SBNO2: variants seen among roughly 807,000 people sequenced by gnomAD.
SBNO2 encodes protein strawberry notch homolog 2.
A neutral mutation model predicts 146.3 loss-of-function variants in SBNO2; 89 were observed. The observed-to-expected ratio is 0.61, with a 90% CI of 0.51 to 0.73. The LOEUF (loss-of-function observed/expected upper bound fraction) is 0.73, where lower values mean the gene tolerates loss of function less well. Ranked by LOEUF, SBNO2 falls within the 30% of genes least tolerant of loss-of-function variation. The pLI is 0.00. For missense variants in SBNO2, 2,092 were observed against 2,003.7 expected (o/e 1.04, Z -0.84); for synonymous variants, 1,147 against 892.6 (o/e 1.29, Z -5.08).
chr19:1,126,397 C>A lies in SBNO2; in HGVS notation c.441+1207G>T, dbSNP rs1052639188. ...ATGCCCTCGTGCCGGCCACAGCAGG[C>A]CGGTCAGGCCCTGGCTTCTTTCCTC... On this transcript the variant is annotated intron_variant, in intron 5 of 31. Coordinates refer to ENST00000361757, the MANE Select transcript of SBNO2 (RefSeq NM_014963.3). The surrounding 1 kb of genome is among the most constrained non-coding windows in gnomAD (Gnocchi z 4.4). 6.6e-6 allele frequency among the ~76,000 whole-genome samples: 1 copy of A among 152,186 alleles called. No homozygotes were observed. The highest frequency in any genetic ancestry group is 2.4e-5 in the African/African-American group (1 of 41,448).
chr19:1,128,233 C>T (rs1327001060), intron 4 of SBNO2: 1 of 497,448 alleles, frequency 2.0e-6, no homozygotes, highest in South Asian at 1.5e-5. Flanking sequence ...TGAAGGGCAG[C>T]AATGCTGCAG....
In SBNO2 at chr19:1,112,886, C is replaced by T. The variant is rs1235862244; in HGVS notation, c.2311G>A (p.Ala771Thr). Residue 771 changes from alanine to threonine, a missense_variant, in exon 20 of 32, where the codon GCA (alanine) becomes ACA (threonine). Transcript: ENST00000361757. This position sits in a 1 kb window ranked among gnomAD's most constrained non-coding sequence, Gnocchi z 5.9. Reference protein sequence around the residue: ...PDGTVAFESRAEQGLSIDHVN... With the variant: ...PDGTVAFESRTEQGLSIDHVN... ...TGGTCGATGGACAGACCCTGCTCTG[C>T]CCGCGACTCGAAGGCCACCGTCCCG... The T allele has an allele frequency of 3.2e-6, 5 of 1,572,770 alleles. No homozygotes were observed. Among genetic ancestry groups the T allele is most frequent in the Non-Finnish European group, 4.3e-6 (5 of 1,160,668 alleles).
rs577550474 is a variant in SBNO2 at position 1,140,256 on chromosome 19, C to T, written c.279+7053G>A. On this transcript the variant is annotated intron_variant, in intron 4 of 31. Transcript: ENST00000361757. The surrounding 1 kb of genome is among the most constrained non-coding windows in gnomAD (Gnocchi z 4.4). ...CGTTGGTTGCAGTGAGCCGAGGTCA[C>T]GCCACTGCACTCCAGCCTGGGCGAC... Among the ~76,000 whole-genome samples, 9 of 151,128 alleles carry T rather than the reference C, an allele frequency of 6.0e-5. No homozygotes were observed. Among genetic ancestry groups the T allele is most frequent in the South Asian group, 4.2e-4 (2 of 4,766 alleles).
At chr19:1,165,538 GC>G (rs1405784205) in intron 1 of SBNO2, among the ~76,000 whole-genome samples, 1 of 152,068 alleles carries the variant, frequency 6.6e-6, no homozygotes, top group Admixed American at 6.5e-5. Context: ...GGAATGTGAG[GC>G]CGATGCCTTT....
intron 1 of SBNO2, among the ~76,000 whole-genome samples, chr19:1,171,585 G>A (rs942857674): frequency 6.6e-6 from 1 of 152,160 alleles, no homozygotes; most frequent in Non-Finnish European, 1.5e-5. Flanking sequence ...AGCCGGACTG[G>A]TTCTGTCGAC....
intron 4 of SBNO2, among the ~76,000 whole-genome samples, chr19:1,139,140 C>A (rs2080112247): frequency 6.6e-6 from 1 of 152,244 alleles, no homozygotes; most frequent in South Asian, 2.1e-4. Flanking sequence ...CCTTCATGTG[C>A]CGGAACACGG....
chr19:1,144,337 G>A lies in SBNO2; in HGVS notation c.279+2972C>T, dbSNP rs1359136141. On this transcript the variant is annotated intron_variant, in intron 4 of 31. Transcript: ENST00000361757. This position sits in a 1 kb window ranked among gnomAD's most constrained non-coding sequence, Gnocchi z 4.1. ...CAAATGAAGTTCTGCTGCTTTAACA[G>A]GGAGATTTGGGTCCAAGCTGCCCCA... Among the ~76,000 whole-genome samples, 1 of 152,192 alleles carries A rather than the reference G, an allele frequency of 6.6e-6. No individual in the cohort carries two copies. Among genetic ancestry groups the A allele is most frequent in the African/African-American group, 2.4e-5 (1 of 41,452 alleles).
Position 1,112,202 on chromosome 19 carries a change from C to A in SBNO2, c.2615G>T (p.Arg872Leu). ...ERRFASIVAKRLESLGALTHG... is the reference protein window; with the variant it reads ...ERRFASIVAKLLESLGALTHG... ...CCACCTGCTCACCAGACTCTCCAGG[C>A]GCTTGGCCACGATGGAGGCGAACCG... is the stretch of plus-strand genomic sequence containing the variant. The change falls in exon 22 of 32, where the codon CGC (arginine) becomes CTC (leucine). Residue 872 changes from arginine to leucine, a missense_variant. Coordinates refer to ENST00000361757, the MANE Select transcript of SBNO2 (RefSeq NM_014963.3). The surrounding 1 kb of genome is among the most constrained non-coding windows in gnomAD (Gnocchi z 5.9). 6.3e-7 allele frequency: 1 copy of A among 1,588,010 alleles called. No individual in the cohort carries two copies. Among genetic ancestry groups the A allele is most frequent in the Non-Finnish European group, 8.6e-7 (1 of 1,167,298 alleles).
chr19:1,123,823 G>C (rs2079933702), intron 6 of SBNO2, 119 bp downstream of exon 6: 3 of 1,160,042 alleles, frequency 2.6e-6, no homozygotes, highest in African/African-American at 1.6e-5. Context: ...CTATAAAATG[G>C]GCACTCCCAG....
intron 4 of SBNO2, chr19:1,132,286 C>CGCCG (rs1568595703): frequency 1.4e-5 from 18 of 1,309,988 alleles, no homozygotes; most frequent in African/African-American, 3.1e-5. Flanking sequence ...GTTTAGTCAC[C>CGCCG]GCCGCCGGCG....
At chr19:1,116,170 A>G (rs1039344856) in intron 16 of SBNO2, 67 bp from the exon 17 acceptor site, 5 of 1,450,830 alleles carry the variant, frequency 3.4e-6, no homozygotes, top group Admixed American at 3.8e-5. Context: ...GCTCTCCAGG[A>G]GCTGGACGCA....
Position 1,110,652 on chromosome 19 carries a change from T to C in SBNO2, c.3028+93A>G. On this transcript the variant is annotated intron_variant, in intron 26 of 31. Coordinates refer to ENST00000361757, the MANE Select transcript of SBNO2 (RefSeq NM_014963.3). This position sits in a 1 kb window ranked among gnomAD's most constrained non-coding sequence, Gnocchi z 4.9. ...CTCGCCCACCCGGGATGCCCGGTGT[T>C]CCCACGAGCCCCGAGCCCACCCAGG... is the stretch of plus-strand genomic sequence containing the variant. 7.0e-7 allele frequency: 1 copy of C among 1,432,838 alleles called. No homozygotes were observed. Among genetic ancestry groups the C allele is most frequent in the East Asian group, 2.6e-5 (1 of 38,848 alleles). 88.8% of individuals were successfully genotyped at this position (1,432,838 alleles called of 1,614,324 possible).
chr19:1,135,870 G>A (rs2080080438), intron 4 of SBNO2, among the ~76,000 whole-genome samples: 1 of 152,282 alleles, frequency 6.6e-6, no homozygotes, highest in South Asian at 2.1e-4. Context: ...TTTGGTGGCT[G>A]GGAGAAGGGC....
intron 11 of SBNO2, among the ~76,000 whole-genome samples, chr19:1,120,738 A>G (rs1425555338): frequency 6.6e-6 from 1 of 151,902 alleles, no homozygotes; most frequent in Non-Finnish European, 1.5e-5. Flanking sequence ...GCGCGATCTC[A>G]GCTCACTGCA....
At chr19:1,113,414 G>C in intron 19 of SBNO2, 121 bp downstream of exon 19, 1 of 945,508 alleles carries the variant, frequency 1.1e-6, no homozygotes, top group Non-Finnish European at 1.5e-6. Flanking sequence ...CCCCCTCCTC[G>C]CAGGGCCGCG....
chr19:1,115,671 G>A, intron 17 of SBNO2: 1 of 392,790 alleles, frequency 2.5e-6, no homozygotes, highest in Non-Finnish European at 4.7e-6. Context: ...TGTGACAGAA[G>A]CCTGGGGGTT....
rs78026836 is a variant in SBNO2 at position 1,111,630 on chromosome 19, G to A, written c.2701-16C>T. The A allele has an allele frequency of 1.9e-6, 3 of 1,553,698 alleles. No homozygotes were observed. Among genetic ancestry groups the A allele is most frequent in the Non-Finnish European group, 2.6e-6 (3 of 1,144,762 alleles). ...GGGTGCCATACTAGGGGGAGAAGGT[G>A]ACTCGGGGAGGAGGCCCAGGGAGGA... On this transcript the variant is annotated splice_polypyrimidine_tract_variant and intron_variant, in intron 23 of 31. Transcript: ENST00000361757.
chr19:1,150,490 G>A lies in SBNO2; in HGVS notation c.94-1048C>T, dbSNP rs1033361507. ...ACCCTGCCGTCACGGATGCCCCCAC[G>A]GTCACGGGGGAGACCCTGCCGTCAC... On this transcript the variant is annotated intron_variant, in intron 2 of 31. Coordinates refer to ENST00000361757, the MANE Select transcript of SBNO2 (RefSeq NM_014963.3). This position sits in a 1 kb window ranked among gnomAD's most constrained non-coding sequence, Gnocchi z 6.2. Among the ~76,000 whole-genome samples the A allele has an allele frequency of 1.3e-5, 2 of 150,380 alleles. No individual in the cohort carries two copies. The highest frequency in any genetic ancestry group is 2.0e-4 in the East Asian group (1 of 5,112).
In SBNO2 at chr19:1,112,904, C is replaced by A; in HGVS notation, c.2293G>T (p.Val765Leu). ...TGCTCTGCCCGCGACTCGAAGGCCA[C>A]CGTCCCGTCGGGCCTGGACACCACG... ...GRVVSRPDGT[V>L]AFESRAEQGL... Residue 765 changes from valine to leucine, a missense_variant, in exon 20 of 32, where the codon GTG becomes TTG. By Grantham distance (32) the Val-to-Leu change is conservative (BLOSUM62 1). Coordinates refer to ENST00000361757, the MANE Select transcript of SBNO2 (RefSeq NM_014963.3). This position sits in a 1 kb window ranked among gnomAD's most constrained non-coding sequence, Gnocchi z 5.9. The A allele has an allele frequency of 6.4e-7, 1 of 1,569,746 alleles. No individual in the cohort carries two copies. Among genetic ancestry groups the A allele is most frequent in the Non-Finnish European group, 8.6e-7 (1 of 1,159,090 alleles).
Sources: gnomAD v4.1 joint callset for allele counts (sites outside exome capture counted in the v4.1 genomes callset) on GRCh38, gnomAD v4.1.1 for gene constraint, Gnocchi (gnomAD v3.1) non-coding constraint, MANE v1.5 for transcripts, NCBI Gene and HGNC (gene_info 2026-07-23, HGNC 2026-07-21) for gene names.